Variants in BPIFA2 observed in about 807,000 individuals in gnomAD.
BPIFA2 encodes BPI fold containing family A member 2.
Under a neutral mutation model 25.7 loss-of-function variants are expected in BPIFA2, and 20 were observed. The ratio of observed to expected loss-of-function variants is 0.78; its 90% CI spans 0.55 to 1.13. The LOEUF (loss-of-function observed/expected upper bound fraction) is 1.13. Among genes scored for constraint, BPIFA2 ranks in the 50% most tolerant of loss-of-function variants. BPIFA2 has a pLI of 0.00. For synonymous variants in BPIFA2, 126 were observed against 124.3 expected (o/e 1.01, Z -0.09); for missense variants, 300 against 298.1 (o/e 1.01, Z -0.05).
intron 5 of BPIFA2, among the ~76,000 whole-genome samples, chr20:33,177,445 A>G (rs1437224915): frequency 6.6e-6 from 1 of 152,134 alleles, no homozygotes; most frequent in Non-Finnish European, 1.5e-5. Flanking sequence ...ATGACAGACA[A>G]GGTCCCTGTT....
intron 5 of BPIFA2, among the ~76,000 whole-genome samples, chr20:33,176,542 G>A (rs1357072454): frequency 6.6e-6 from 1 of 152,246 alleles, no homozygotes; most frequent in African/African-American, 2.4e-5. Flanking sequence ...GATGTGAGTT[G>A]CGAAGGCCGG....
intron 2 of BPIFA2, among the ~76,000 whole-genome samples, chr20:33,171,062 T>C (rs1983881467): frequency 6.6e-6 from 1 of 152,216 alleles, no homozygotes; most frequent in African/African-American, 2.4e-5. Context: ...GTGTTATTTC[T>C]GAAGTTTCTG....
intron 2 of BPIFA2, among the ~76,000 whole-genome samples, chr20:33,170,275 T>C (rs1983855967): frequency 6.6e-6 from 1 of 152,254 alleles, no homozygotes; most frequent in Non-Finnish European, 1.5e-5. Flanking sequence ...TACAATATTA[T>C]GATTACATCT....
chr20:33,178,778 C>A (rs1193437684), intron 6 of BPIFA2, among the ~76,000 whole-genome samples: 1 of 152,106 alleles, frequency 6.6e-6, no homozygotes, highest in Non-Finnish European at 1.5e-5. Context: ...GCTCTGTGAC[C>A]CACTGAACCG....
chr20:33,178,095 TC>T, intron 5 of BPIFA2, 51 bp from the exon 6 acceptor site: 1 of 1,432,610 alleles, frequency 7.0e-7, no homozygotes, highest in Non-Finnish European at 9.7e-7. Flanking sequence ...TTGGCAGTTC[TC>T]CCATCTCTTG....
rs142601366 is a variant in BPIFA2, at chr20:33,178,940, C to A, written c.646-664C>A. Among the ~76,000 whole-genome samples, 1,074 of 152,280 alleles carry A rather than the reference C, an allele frequency of 7.1e-3. 23 individuals are homozygous for A. Among genetic ancestry groups the A allele is most frequent in the African/African-American group, 0.024 (989 of 41,552 alleles). On this transcript the variant is annotated intron_variant, in intron 6 of 8. Coordinates refer to ENST00000354932, the MANE Select transcript of BPIFA2 (RefSeq NM_080574.4). ...ACACAGGAGCAAGAGATACTCCGCT[C>A]TACAACCTCAGGGCAAATGCCTCAG...
intron 1 of BPIFA2, among the ~76,000 whole-genome samples, chr20:33,168,782 C>T (rs777328236): frequency 6.6e-6 from 1 of 151,980 alleles, no homozygotes; most frequent in Non-Finnish European, 1.5e-5. Flanking sequence ...TGGGAAGGGG[C>T]CTACAGTAGG....
At chr20:33,166,266 C>T (rs6059133), upstream of BPIFA2, among the ~76,000 whole-genome samples, 77 of 152,292 alleles carry the variant, frequency 5.1e-4, no homozygotes, top group African/African-American at 1.7e-3. Context: ...ATCTGCCCGC[C>T]TCGGCCTCCC....
intron 8 of BPIFA2, 38 bp downstream of exon 8, chr20:33,180,635 C>A (rs377661210): frequency 3.4e-6 from 5 of 1,472,454 alleles, no homozygotes; most frequent in South Asian, 2.3e-5. Context: ...GCACAGGGGC[C>A]TATGGTGAAG....
intron 7 of BPIFA2, 47 bp from the exon 8 acceptor site, chr20:33,180,473 A>G (rs879045808): frequency 6.3e-7 from 1 of 1,583,374 alleles, no homozygotes. Context: ...TCTCTATTCA[A>G]TTCCAGTGGC....
In BPIFA2 at chr20:33,176,183, G is replaced by A. The variant is rs139806191; in HGVS notation, c.563+624G>A. The stretch of plus-strand genomic sequence containing the variant: ...TTGTCCCCAAATCATCCTCCACCCA[G>A]TGGAAATTTCCTGAAAGGAGATCTT... On this transcript the variant is annotated intron_variant, in intron 5 of 8. Coordinates refer to ENST00000354932, the MANE Select transcript of BPIFA2 (RefSeq NM_080574.4). 1.8e-4 allele frequency among the ~76,000 whole-genome samples: 27 copies of A among 152,324 alleles called. No individual in the cohort carries two copies. The East Asian group carries it at 4.8e-3, about 27-fold the overall frequency.
chr20:33,180,940 T>C (rs1352789944), intron 8 of BPIFA2, among the ~76,000 whole-genome samples: 1 of 152,230 alleles, frequency 6.6e-6, no homozygotes, highest in Non-Finnish European at 1.5e-5. Flanking sequence ...GCCCTGAACC[T>C]GGCTCCAGTA....
intron 8 of BPIFA2, among the ~76,000 whole-genome samples, chr20:33,180,861 A>T (rs1483303031): frequency 6.6e-6 from 1 of 152,178 alleles, no homozygotes; most frequent in African/African-American, 2.4e-5. Flanking sequence ...ACTGAGCCTT[A>T]GTCTTGGTCA....
chr20:33,178,200 G>T lies in BPIFA2; in HGVS notation c.617G>T (p.Ser206Ile), dbSNP rs1231923351. 3.1e-6 allele frequency: 5 copies of T among 1,604,850 alleles called. No homozygotes were observed. The South Asian group carries it at 3.3e-5, about 11-fold the overall frequency. ...FVNSVINTLK[S>I]TVSSLLQKEI... ...AATAGCGTGATCAACACGCTGAAAA[G>T]CACTGTATCCTCCCTGCTGCAGAAG... is the stretch of plus-strand genomic sequence containing the variant. The change falls in exon 6 of 9, where the codon AGC becomes ATC. Residue 206 changes from serine to isoleucine, a missense_variant. By Grantham distance (142) the Ser-to-Ile change is moderately radical. Coordinates refer to ENST00000354932, the MANE Select transcript of BPIFA2 (RefSeq NM_080574.4).
chr20:33,172,152 A>G (rs1325760904), intron 2 of BPIFA2, among the ~76,000 whole-genome samples: 2 of 151,518 alleles, frequency 1.3e-5, no homozygotes, highest in African/African-American at 2.4e-5. Context: ...AAAACCAAAC[A>G]CTGCATGTTC....
chr20:33,174,244 G>A lies in BPIFA2; in HGVS notation c.410+58G>A, dbSNP rs1021929613. On this transcript the variant is annotated intron_variant, in intron 4 of 8. Transcript: ENST00000354932. ...AGGCAGTGCAACCTGGCCGATGGAT[G>A]CCCAACCTGGGAATCGGGCACCTCC... 9 of 1,508,288 alleles carry A rather than the reference G, an allele frequency of 6.0e-6. No homozygotes were observed. In the Admixed American group the frequency reaches 1.3e-4, roughly 22 times the overall value. 93.4% of individuals were successfully genotyped at this position (1,508,288 alleles called of 1,614,324 possible).
intron 5 of BPIFA2, 70 bp from the exon 6 acceptor site, chr20:33,178,077 C>A: frequency 8.1e-7 from 1 of 1,228,718 alleles, no homozygotes; most frequent in South Asian, 1.4e-5. Context: ...CGCACCGCCC[C>A]CAACTTTTTG....
upstream of BPIFA2, among the ~76,000 whole-genome samples, chr20:33,165,653 C>T (rs1983701317): frequency 6.6e-6 from 1 of 152,184 alleles, no homozygotes; most frequent in Non-Finnish European, 1.5e-5. Context: ...GGAAGCTGCC[C>T]CAGCTGGGGA....
At position 33,172,901 on chromosome 20, in the gene BPIFA2, C is replaced by T. The variant is rs746603996; in HGVS notation, c.158-31C>T. 8.1e-6 allele frequency: 13 copies of T among 1,608,134 alleles called. No individual in the cohort carries two copies. In the East Asian group the frequency reaches 1.8e-4, roughly 22 times the overall value. On this transcript the variant is annotated intron_variant, in intron 2 of 8. Coordinates refer to ENST00000354932, the MANE Select transcript of BPIFA2 (RefSeq NM_080574.4). ...CATCGTAGCTACTTCGTAAGTGGTGCGTGACACAAAATGGCGATTGTTTTT... is the reference window on the plus strand; with the variant it reads ...CATCGTAGCTACTTCGTAAGTGGTGTGTGACACAAAATGGCGATTGTTTTT...
Sources: gnomAD v4.1 joint callset for allele counts (sites outside exome capture counted in the v4.1 genomes callset) on GRCh38, gnomAD v4.1.1 for gene constraint, MANE v1.5 for transcripts, NCBI Gene and HGNC (gene_info 2026-07-23, HGNC 2026-07-21) for gene names.